Variants in JMJD1C observed in about 807,000 individuals in gnomAD.
The protein encoded by JMJD1C is jumonji domain containing 1C, also known as jumonji domain-containing protein 1C.
Under a neutral mutation model 245.3 loss-of-function variants are expected in JMJD1C, and 31 were observed. That is an observed-to-expected ratio of 0.13 (90% confidence interval 0.09 to 0.17). The LOEUF is 0.17. Ranked by LOEUF, JMJD1C falls within the 10% of genes least tolerant of loss-of-function variation. JMJD1C has a pLI of 1.00. For synonymous variants in JMJD1C, 1,057 were observed against 1,017.4 expected, an observed-to-expected ratio of 1.04 and a Z score of -0.74; for missense variants, 2,691 against 3,000.2, an observed-to-expected ratio of 0.90 and a Z score of 2.41.
In JMJD1C at chr10:63,426,618, C is replaced by T. The variant is rs376847007; in HGVS notation, c.168+38877G>A. Among the ~76,000 whole-genome samples the T allele has an allele frequency of 3.3e-4, 50 of 152,162 alleles. 1 individual carries two copies. The South Asian group carries it at 0.01, about 31-fold the overall frequency. ...CCCAGGAGGCGGAAGTTGCAGTGAGCCAAGATCGCGCCATTGCACTCCAGC... is the reference window on the plus strand; with the variant it reads ...CCCAGGAGGCGGAAGTTGCAGTGAGTCAAGATCGCGCCATTGCACTCCAGC... On this transcript the variant is annotated intron_variant, in intron 1 of 25. Coordinates refer to ENST00000399262, the MANE Select transcript of JMJD1C (RefSeq NM_032776.3).
At chr10:63,470,332 G>T (rs188973726), upstream of JMJD1C, among the ~76,000 whole-genome samples, 1 of 152,168 alleles carries the variant, frequency 6.6e-6, no homozygotes, top group Admixed American at 6.5e-5. Flanking sequence ...TCAACTAAGA[G>T]GAACTTAGAA....
rs1203397709 is a variant in JMJD1C, at chr10:63,312,111, T to G, written c.334-47347A>C. 1.1e-3 allele frequency among the ~76,000 whole-genome samples: 132 copies of G among 117,246 alleles called. 1 individual carries two copies. The highest frequency in any genetic ancestry group is 3.5e-3 in the African/African-American group (125 of 35,980). 76.9% of individuals were successfully genotyped at this position (117,246 alleles called of 152,430 possible). A position where few individuals can be genotyped will look rare whatever the true frequency, so the allele number is the denominator to read the frequency against. On this transcript the variant is annotated intron_variant, in intron 2 of 25. Coordinates refer to ENST00000399262, the MANE Select transcript of JMJD1C (RefSeq NM_032776.3). The stretch of plus-strand genomic sequence containing the variant: ...TAGCTAAACTTTTTTTTTTTTTTTT[T>G]TTTTTGTGTGTGTGAGACGAAGTTT...
In JMJD1C at chr10:63,478,347, G is replaced by A. The variant is rs866148969; in HGVS notation, n.113+43391C>T. Among the ~76,000 whole-genome samples the A allele has an allele frequency of 3.3e-5, 5 of 152,278 alleles. 1 individual carries two copies. In the Middle Eastern group the frequency reaches 0.017, roughly 518 times the overall value. ...CCTCTACACCCAAATGTACATAGCC[G>A]CTTTATTTGTAATTGCCAAACACTG... On this transcript the variant is annotated intron_variant and non_coding_transcript_variant, in intron 1 of 3. Transcript: ENST00000633035.
chr10:63,502,546 G>A (rs1033790997), intron 1 of JMJD1C, among the ~76,000 whole-genome samples: 3 of 151,658 alleles, frequency 2.0e-5, no homozygotes, highest in East Asian at 1.9e-4. Flanking sequence ...GCTGAGGCAG[G>A]AGCATGGTGT....
intron 2 of JMJD1C, among the ~76,000 whole-genome samples, chr10:63,279,636 G>A (rs1269889529): frequency 1.3e-5 from 2 of 152,180 alleles, no homozygotes; most frequent in Non-Finnish European, 2.9e-5. Context: ...GGGCATGGTG[G>A]CATGTGGCTG....
chr10:63,221,440 T>C (rs1042572254), intron 3 of JMJD1C, among the ~76,000 whole-genome samples: 1 of 152,212 alleles, frequency 6.6e-6, no homozygotes, highest in Non-Finnish European at 1.5e-5. Flanking sequence ...TTTAAATTAA[T>C]TATGTTCCTT....
chr10:63,300,311 A>C (rs748691059), intron 2 of JMJD1C, among the ~76,000 whole-genome samples: 7 of 152,208 alleles, frequency 4.6e-5, no homozygotes, highest in Admixed American at 1.3e-4. Context: ...TATCAAAAGC[A>C]CAATAAGATT....
At chr10:63,355,440 A>G (rs1944751944) in intron 2 of JMJD1C, among the ~76,000 whole-genome samples, 1 of 152,228 alleles carries the variant, frequency 6.6e-6, no homozygotes, top group Admixed American at 6.5e-5. Flanking sequence ...GATTCATTTA[A>G]CATCATGACC....
intron 1 of JMJD1C, among the ~76,000 whole-genome samples, chr10:63,398,849 T>G (rs540387867): frequency 6.9e-4 from 105 of 152,284 alleles, no homozygotes; most frequent in Non-Finnish European, 1.3e-3. Context: ...TTCACCATGT[T>G]GGCCAGGCTG....
chr10:63,396,465 A>G (rs1948493724), intron 1 of JMJD1C, among the ~76,000 whole-genome samples: 1 of 152,194 alleles, frequency 6.6e-6, no homozygotes, highest in African/African-American at 2.4e-5. Context: ...TATAGGAGTA[A>G]AAGTAGGGGT....
At chr10:63,508,789 G>T (rs964591293) in intron 1 of JMJD1C, among the ~76,000 whole-genome samples, 10 of 152,134 alleles carry the variant, frequency 6.6e-5, no homozygotes, top group African/African-American at 2.4e-4. Flanking sequence ...TTCACTGCTG[G>T]CAATAAGAGA....
chr10:63,341,689 C>A (rs1398661786), intron 2 of JMJD1C, among the ~76,000 whole-genome samples: 1 of 152,202 alleles, frequency 6.6e-6, no homozygotes, highest in Non-Finnish European at 1.5e-5. Context: ...TTCTAATTAT[C>A]CTTCAGCTGA....
intron 1 of JMJD1C, among the ~76,000 whole-genome samples, chr10:63,450,082 C>T (rs1951948573): frequency 6.6e-6 from 1 of 151,878 alleles, no homozygotes; most frequent in African/African-American, 2.4e-5. Flanking sequence ...CACTGCACTC[C>T]AGTATGGGTG....
intron 1 of JMJD1C, among the ~76,000 whole-genome samples, chr10:63,484,247 TAGATAGATAGATAGATAGATAGATA>T (rs1306008966): frequency 8.0e-5 from 1 of 12,426 alleles, no homozygotes; most frequent in Non-Finnish European, 3.9e-4. Context: ...GATAGATAGA[TAGATAGATAGATAGATAGATAGATA>T]AGATAGATAG....
intron 1 of JMJD1C, among the ~76,000 whole-genome samples, chr10:63,433,586 C>CTTTTCTT: frequency 1.2e-5 from 1 of 86,836 alleles, no homozygotes. Flanking sequence ...CTTTTCTTTT[C>CTTTTCTT]TTTTTTTTTT....
intron 3 of JMJD1C, among the ~76,000 whole-genome samples, chr10:63,247,392 A>G (rs575872415): frequency 5.3e-5 from 8 of 152,266 alleles, no homozygotes; most frequent in Non-Finnish European, 1.0e-4. Context: ...TTGAACCAGG[A>G]AAGAAAAGAA....
chr10:63,265,848 T>A (rs776170248), intron 2 of JMJD1C, among the ~76,000 whole-genome samples: 1 of 152,156 alleles, frequency 6.6e-6, no homozygotes, highest in Admixed American at 6.5e-5. Context: ...CAGTACAAAT[T>A]ACCAGGCATT....
chr10:63,283,158 T>C (rs112762462), intron 2 of JMJD1C, among the ~76,000 whole-genome samples: 5 of 152,334 alleles, frequency 3.3e-5, no homozygotes, highest in African/African-American at 9.6e-5. Flanking sequence ...TTCATCCCTG[T>C]GGAGACAGGA....
chr10:63,518,966 G>A (rs1360744281), intron 1 of JMJD1C, among the ~76,000 whole-genome samples: 6 of 152,156 alleles, frequency 3.9e-5, no homozygotes, highest in Admixed American at 2.6e-4. Context: ...GTGATCACCC[G>A]CCAGTTGAGT....
Sources: gnomAD v4.1 joint callset for allele counts (sites outside exome capture counted in the v4.1 genomes callset) on GRCh38, gnomAD v4.1.1 for gene constraint, MANE v1.5 for transcripts, NCBI Gene and HGNC (gene_info 2026-07-23, HGNC 2026-07-21) for gene names.